The following SLC22A23 variants were observed in gnomAD, a reference collection of about 807,000 sequenced individuals.
SLC22A23 encodes the protein solute carrier family 22 member 23.
SLC22A23 carries 26 observed loss-of-function variants against 61.0 expected under a neutral mutation model. The observed-to-expected ratio is 0.43, with a 90% CI of 0.31 to 0.59. The LOEUF (loss-of-function observed/expected upper bound fraction) is 0.59. SLC22A23 is among the 20% of genes least tolerant of loss of function. The probability of loss-of-function intolerance (pLI) is 0.11; values close to 1 mark genes in which losing one functional copy is unlikely to be tolerated. For missense variants in SLC22A23, 796 were observed against 934.7 expected, an observed-to-expected ratio of 0.85 and a Z score of 1.94; for synonymous variants, 430 against 413.9, an observed-to-expected ratio of 1.04 and a Z score of -0.47.
At chr6:3,320,394 G>A (rs963884262) in intron 4 of SLC22A23, among the ~76,000 whole-genome samples, 8 of 152,154 alleles carry the variant, frequency 5.3e-5, no homozygotes, top group Non-Finnish European at 7.3e-5. Flanking sequence ...CTTGGGGACC[G>A]TGCCTCGTGC....
rs964254654 is a variant in SLC22A23, at chr6:3,287,222, C to T, written c.1314-131G>A. On this transcript the variant is annotated intron_variant, in intron 6 of 9. Transcript: ENST00000406686. ...CTCAATGTGTCATAGAAAAGCCCAT[C>T]ATGACCGAACCACGAGCAGATTACA... The T allele has an allele frequency of 2.1e-4, 162 of 771,598 alleles. No homozygotes were observed. The East Asian group carries it at 4.3e-3, about 21-fold the overall frequency. 47.8% of individuals were successfully genotyped at this position (771,598 alleles called of 1,614,324 possible).
intron 3 of SLC22A23, among the ~76,000 whole-genome samples, chr6:3,334,642 C>T (rs73720512): frequency 0.026 from 3,964 of 152,334 alleles, 195 homozygotes; most frequent in African/African-American, 0.091. Context: ...ACACCCACCA[C>T]GGTTGGCAGA....
chr6:3,401,139 T>C (rs989598679), intron 3 of SLC22A23, among the ~76,000 whole-genome samples: 3 of 152,196 alleles, frequency 2.0e-5, no homozygotes, highest in Admixed American at 2.0e-4. Context: ...GTAAGGAGTT[T>C]GAGACCAGCC....
intron 5 of SLC22A23, among the ~76,000 whole-genome samples, chr6:3,293,302 A>G (rs1454321026): frequency 6.6e-6 from 1 of 152,204 alleles, no homozygotes; most frequent in Non-Finnish European, 1.5e-5. Context: ...TCTCTGCCAC[A>G]TGAGTCATTA....
intron 2 of SLC22A23, among the ~76,000 whole-genome samples, chr6:3,411,125 G>C (rs1769207558): frequency 6.6e-6 from 1 of 152,180 alleles, no homozygotes; most frequent in African/African-American, 2.4e-5. Flanking sequence ...GGACAGTAGA[G>C]GGTGGTCCAC....
In SLC22A23 at chr6:3,331,084, G is replaced by A. The variant is rs190215016; in HGVS notation, c.914-7082C>T. ...ACAATGACTGTATTATGTAGGTATT[G>A]TTTTTAATGCTCATTTTACATGAGA... On this transcript the variant is annotated intron_variant, in intron 3 of 9. Coordinates refer to ENST00000406686, the MANE Select transcript of SLC22A23 (RefSeq NM_015482.2). Among the ~76,000 whole-genome samples the A allele has an allele frequency of 2.0e-5, 3 of 152,322 alleles. No individual in the cohort carries two copies. The East Asian group carries it at 5.8e-4, about 29-fold the overall frequency.
At chr6:3,357,732 T>G (rs548037658) in intron 3 of SLC22A23, among the ~76,000 whole-genome samples, 179 of 152,168 alleles carry the variant, frequency 1.2e-3, no homozygotes, top group Non-Finnish European at 1.9e-3. Flanking sequence ...CATTCACTTA[T>G]TCAGCAAGGA....
At chr6:3,315,869 A>AG (rs1561892416) in intron 4 of SLC22A23, among the ~76,000 whole-genome samples, 6 of 72,910 alleles carry the variant, frequency 8.2e-5, no homozygotes, top group East Asian at 1.1e-3. Flanking sequence ...GTCTCAAAAA[A>AG]AAAAAGAAAA....
chr6:3,399,981 C>T (rs536162200), intron 3 of SLC22A23, among the ~76,000 whole-genome samples: 99 of 152,258 alleles, frequency 6.5e-4, no homozygotes, highest in African/African-American at 2.2e-3. Flanking sequence ...CAGGTTCAAG[C>T]GATTCTCCTG....
intron 1 of SLC22A23, chr6:3,439,217 C>T (rs906050780): frequency 2.9e-5 from 11 of 377,736 alleles, no homozygotes; most frequent in Non-Finnish European, 5.7e-5. Flanking sequence ...GCACCCTCCC[C>T]CCATGCCCCC....
intron 4 of SLC22A23, among the ~76,000 whole-genome samples, chr6:3,320,287 G>A (rs1762873048): frequency 6.6e-6 from 1 of 152,118 alleles, no homozygotes; most frequent in African/African-American, 2.4e-5. Flanking sequence ...TGTATGGAGG[G>A]GTCCCTGTCT....
Position 3,456,630 on chromosome 6 carries a change from C to T in SLC22A23, c.-71G>A. 1 of 935,146 alleles carries T rather than the reference C, an allele frequency of 1.1e-6. No homozygotes were observed. The highest frequency in any genetic ancestry group is 1.3e-6 in the Non-Finnish European group (1 of 786,984). The allele number at this position is 935,146 out of a possible 1,614,324, so 57.9% of individuals were successfully genotyped here. On this transcript the variant is annotated 5_prime_UTR_variant, in exon 1 of 10. Transcript: ENST00000406686. The surrounding 1 kb of genome is among the most constrained non-coding windows in gnomAD (Gnocchi z 7.1). Reference sequence around the variant, plus strand: ...GGCTCCGCGGGCGCCCCGGGCACAGCGCGCCGGGCCAGGCGCCTGCAGCCG... The same window carrying T: ...GGCTCCGCGGGCGCCCCGGGCACAGTGCGCCGGGCCAGGCGCCTGCAGCCG...
At chr6:3,447,337 A>G (rs1046487953) in intron 1 of SLC22A23, among the ~76,000 whole-genome samples, 1 of 152,140 alleles carries the variant, frequency 6.6e-6, no homozygotes. Flanking sequence ...CAGTCTGTCT[A>G]GGTCAGGGTT....
rs1263090981 is a variant in SLC22A23, at chr6:3,269,001, ATT to A, written c.*4052_*4053del. 6.6e-6 allele frequency: 1 copy of A among 152,352 alleles called. No homozygotes were observed. Among genetic ancestry groups the A allele is most frequent in the Non-Finnish European group, 1.5e-5 (1 of 68,052 alleles). The allele number at this position is 152,352 out of a possible 1,614,324, so 9.4% of individuals were successfully genotyped here. A position where few individuals can be genotyped will look rare whatever the true frequency, so the allele number is the denominator to read the frequency against. ...GGTATAAATACTTTATTAAAGAAATATTGTCATTTTCGTTAAAAAATACATTA... is the reference window on the plus strand; with the variant it reads ...GGTATAAATACTTTATTAAAGAAATAGTCATTTTCGTTAAAAAATACATTA... On this transcript the variant is annotated 3_prime_UTR_variant, in exon 10 of 10. Coordinates refer to ENST00000406686, the MANE Select transcript of SLC22A23 (RefSeq NM_015482.2).
chr6:3,275,224 G>GT (rs1228786874), intron 9 of SLC22A23, among the ~76,000 whole-genome samples: 1 of 152,206 alleles, frequency 6.6e-6, no homozygotes, highest in Non-Finnish European at 1.5e-5. Flanking sequence ...GGAAGGGATA[G>GT]TTTTTTCAAC....
intron 1 of SLC22A23, among the ~76,000 whole-genome samples, chr6:3,441,600 T>C (rs1464000233): frequency 6.6e-6 from 1 of 152,130 alleles, no homozygotes; most frequent in East Asian, 1.9e-4. Flanking sequence ...TGGGCTTCCC[T>C]GCCCACTGAC....
rs759419090 is a variant in SLC22A23 at position 3,329,001 on chromosome 6, G to C, written c.914-4999C>G. 2.6e-5 allele frequency among the ~76,000 whole-genome samples: 4 copies of C among 152,100 alleles called. No homozygotes were observed. The highest frequency in any genetic ancestry group is 4.8e-5 in the African/African-American group (2 of 41,416). Reference sequence around the variant, plus strand: ...TCACAGGGCACTGCCAAGCTCAAGGGACCGTCTGTCAAAACACTGCAGCAC... The same window carrying C: ...TCACAGGGCACTGCCAAGCTCAAGGCACCGTCTGTCAAAACACTGCAGCAC... On this transcript the variant is annotated intron_variant, in intron 3 of 9. Transcript: ENST00000406686. The surrounding 1 kb of genome is among the most constrained non-coding windows in gnomAD (Gnocchi z 4.8).
intron 6 of SLC22A23, among the ~76,000 whole-genome samples, chr6:3,287,802 GC>G (rs1760184441): frequency 6.6e-6 from 1 of 151,826 alleles, no homozygotes; most frequent in African/African-American, 2.4e-5. Context: ...TCCTGCTTCA[GC>G]CTCCCAAGTA....
chr6:3,344,103 T>C (rs1370792577), intron 3 of SLC22A23, among the ~76,000 whole-genome samples: 1 of 152,188 alleles, frequency 6.6e-6, no homozygotes, highest in African/African-American at 2.4e-5. Context: ...AGTGGTCACA[T>C]ATGGCTATTT....
Sources: gnomAD v4.1 joint callset for allele counts (sites outside exome capture counted in the v4.1 genomes callset) on GRCh38, gnomAD v4.1.1 for gene constraint, Gnocchi (gnomAD v3.1) non-coding constraint, MANE v1.5 for transcripts, NCBI Gene and HGNC (gene_info 2026-07-23, HGNC 2026-07-21) for gene names.